Variants in EGFLAM observed in about 807,000 individuals in gnomAD.
EGFLAM encodes the protein EGF like, fibronectin type III and laminin G domains, also known as pikachurin.
In EGFLAM, 79 loss-of-function variants were observed where a neutral mutation model predicts 113.1. That is an observed-to-expected ratio of 0.70 (90% CI 0.58 to 0.84). The LOEUF (loss-of-function observed/expected upper bound fraction) is 0.84, where lower values mean the gene tolerates loss of function less well. Ranked by LOEUF, EGFLAM falls within the 40% of genes least tolerant of loss-of-function variation. The pLI is 0.00. For missense variants in EGFLAM, 1,265 were observed against 1,291.6 expected, an observed-to-expected ratio of 0.98 and a Z score of 0.32; for synonymous variants, 504 against 487.6, an observed-to-expected ratio of 1.03 and a Z score of -0.44.
rs748331695 is a variant in EGFLAM at position 38,352,171 on chromosome 5, T to C, written c.410-25T>C. 3.7e-6 allele frequency: 6 copies of C among 1,613,692 alleles called. No homozygotes were observed. In the Admixed American group the frequency reaches 8.3e-5, roughly 22 times the overall value. ...AACGGCTGAGACCACCAGCCTAGTCTAGTTGTGTTTGTCATCCCACCTAGA... is the reference window on the plus strand; with the variant it reads ...AACGGCTGAGACCACCAGCCTAGTCCAGTTGTGTTTGTCATCCCACCTAGA... On this transcript the variant is annotated intron_variant, in intron 4 of 21. Coordinates refer to ENST00000322350, the MANE Select transcript of EGFLAM (RefSeq NM_152403.4).
chr5:38,439,386 T>TA (rs3214563), intron 17 of EGFLAM, among the ~76,000 whole-genome samples: 3,590 of 132,984 alleles, frequency 0.027, 88 homozygotes, highest in African/African-American at 0.072. Flanking sequence ...CCCAGGAACT[T>TA]AAAAAAAAAA....
chr5:38,382,817 C>A (rs2451012), intron 6 of EGFLAM, among the ~76,000 whole-genome samples: 2,484 of 152,298 alleles, frequency 0.016, 69 homozygotes, highest in African/African-American at 0.056. Flanking sequence ...GCCAAGAGGC[C>A]TGTCTTAGAA....
chr5:38,372,912 G>A (rs1740261884), intron 6 of EGFLAM, among the ~76,000 whole-genome samples: 1 of 151,956 alleles, frequency 6.6e-6, no homozygotes, highest in Non-Finnish European at 1.5e-5. Flanking sequence ...TTTGGTATTG[G>A]TTTAGACTAT....
chr5:38,409,153 C>A, intron 10 of EGFLAM, 49 bp downstream of exon 10: 1 of 1,412,886 alleles, frequency 7.1e-7, no homozygotes. Context: ...CATTATCTTA[C>A]ATTATATTTG....
chr5:38,357,108 T>A (rs1739782312), intron 5 of EGFLAM, among the ~76,000 whole-genome samples: 4 of 152,110 alleles, frequency 2.6e-5, no homozygotes, highest in African/African-American at 9.7e-5. Context: ...CATAAAAAAA[T>A]TAGCTAGGTG....
intron 3 of EGFLAM, among the ~76,000 whole-genome samples, chr5:38,339,790 A>G (rs1739287325): frequency 6.6e-6 from 1 of 152,212 alleles, no homozygotes; most frequent in Non-Finnish European, 1.5e-5. Flanking sequence ...ATGACTCAGA[A>G]GGAATAGATG....
At chr5:38,397,551 C>CTGGTT (rs1266073245) in intron 6 of EGFLAM, among the ~76,000 whole-genome samples, 2 of 152,142 alleles carry the variant, frequency 1.3e-5, no homozygotes, top group African/African-American at 4.8e-5. Context: ...CCTCAACTTC[C>CTGGTT]CAAAGTGCTG....
intron 6 of EGFLAM, among the ~76,000 whole-genome samples, chr5:38,379,786 A>G (rs1479618900): frequency 6.6e-6 from 1 of 151,080 alleles, no homozygotes; most frequent in African/African-American, 2.4e-5. Context: ...ATAAAATTTC[A>G]TGTCTCTTAC....
intron 2 of EGFLAM, 32 bp from the exon 3 acceptor site, chr5:38,338,666 T>G (rs372994231): frequency 3.1e-6 from 5 of 1,607,142 alleles, no homozygotes; most frequent in Non-Finnish European, 4.3e-6. Flanking sequence ...GCACGGGCTC[T>G]GCTCTCACCA....
At chr5:38,303,216 C>G (rs1170533580) in intron 1 of EGFLAM, among the ~76,000 whole-genome samples, 2 of 152,186 alleles carry the variant, frequency 1.3e-5, no homozygotes, top group African/African-American at 4.8e-5. Context: ...GTATTCATCA[C>G]TCTTCAATCA....
chr5:38,411,489 T>C (rs920477081), intron 10 of EGFLAM, among the ~76,000 whole-genome samples: 59 of 147,450 alleles, frequency 4.0e-4, no homozygotes, highest in African/African-American at 1.4e-3. Context: ...ATTTCTTTTT[T>C]TTTTTTTTTT....
At chr5:38,451,170 T>C (rs1435916097) in intron 18 of EGFLAM, 145 bp from the exon 19 acceptor site, 24 of 1,090,562 alleles carry the variant, frequency 2.2e-5, no homozygotes, top group Non-Finnish European at 2.9e-5. Flanking sequence ...AGACCCGTGG[T>C]GCGACTCGTG....
Position 38,258,677 on chromosome 5 carries a change from G to C in EGFLAM, c.-78G>C. 6.7e-7 allele frequency: 1 copy of C among 1,499,064 alleles called. No homozygotes were observed. The highest frequency in any genetic ancestry group is 1.9e-5 in the Admixed American group (1 of 51,284). The allele number at this position is 1,499,064 out of a possible 1,614,324, so 92.9% of individuals were successfully genotyped here. ...CGGCCCGGGGATCCGTTGGGGCCGC[G>C]TCCCCCACGCGCCCCCGGAGACGCC... On this transcript the variant is annotated 5_prime_UTR_variant, in exon 1 of 22. Transcript: ENST00000322350.
chr5:38,434,609 GA>G (rs1264281312), intron 15 of EGFLAM, among the ~76,000 whole-genome samples: 1 of 152,192 alleles, frequency 6.6e-6, no homozygotes, highest in Non-Finnish European at 1.5e-5. Context: ...TCTCACTCAT[GA>G]TACATATCCA....
At chr5:38,442,766 C>A (rs1055203878) in intron 17 of EGFLAM, among the ~76,000 whole-genome samples, 2 of 151,886 alleles carry the variant, frequency 1.3e-5, no homozygotes, top group African/African-American at 4.8e-5. Context: ...GTTAGGGAAC[C>A]AGGAGCATAG....
chr5:38,330,895 G>A (rs28507520), intron 1 of EGFLAM, among the ~76,000 whole-genome samples: 26,890 of 152,036 alleles, frequency 0.18, 3,164 homozygotes, highest in African/African-American at 0.33. Context: ...TACACAGGGG[G>A]AAGCAAACAT....
chr5:38,460,628 G>A (rs1743239717), intron 20 of EGFLAM, among the ~76,000 whole-genome samples: 1 of 152,194 alleles, frequency 6.6e-6, no homozygotes, highest in Admixed American at 6.5e-5. Context: ...AGGTTGCAAT[G>A]AGGGCTGAAC....
At chr5:38,282,111 A>C (rs2111756553) in intron 1 of EGFLAM, among the ~76,000 whole-genome samples, 1 of 151,840 alleles carries the variant, frequency 6.6e-6, no homozygotes, top group African/African-American at 2.4e-5. Flanking sequence ...TATGTTTTAG[A>C]CTCTTCTGAT....
At chr5:38,356,230 C>A (rs1352055913) in intron 5 of EGFLAM, among the ~76,000 whole-genome samples, 2 of 152,218 alleles carry the variant, frequency 1.3e-5, no homozygotes, top group African/African-American at 4.8e-5. Context: ...GGCCCAGTCA[C>A]TTGTTACATC....
Sources: gnomAD v4.1 joint callset for allele counts (sites outside exome capture counted in the v4.1 genomes callset) on GRCh38, gnomAD v4.1.1 for gene constraint, MANE v1.5 for transcripts, NCBI Gene and HGNC (gene_info 2026-07-23, HGNC 2026-07-21) for gene names.